Variants in C2CD3 observed in about 807,000 individuals in gnomAD.
C2CD3 encodes C2 domain containing 3 centriole elongation regulator, also known as C2 domain-containing protein 3.
In C2CD3, 148 loss-of-function variants were observed where a neutral mutation model predicts 234.0. That is an observed-to-expected ratio of 0.63 (90% CI 0.55 to 0.72). The LOEUF is 0.72. Ranked by LOEUF, C2CD3 falls within the 30% of genes least tolerant of loss-of-function variation. The pLI is 0.00. For synonymous variants in C2CD3, 1,000 were observed against 1,035.4 expected (o/e 0.97, Z 0.66); for missense variants, 2,577 against 2,811.5 (o/e 0.92, Z 1.89).
rs774374310 is a variant in C2CD3 at position 74,139,664 on chromosome 11, A to G, written c.648T>C (p.His216=). 6.2e-7 allele frequency: 1 copy of G among 1,613,882 alleles called. No individual in the cohort carries two copies. The change falls in exon 4 of 33, where the codon CAT becomes CAC. Residue 216 remains histidine (H), a synonymous_variant. Coordinates refer to ENST00000334126, the MANE Select transcript of C2CD3 (RefSeq NM_001286577.2). ...ACTCTTTTCCATCAATTTTGATGGTATGTATGTCGCGAGGCCTTGATGGAA... is the reference window on the plus strand; with the variant it reads ...ACTCTTTTCCATCAATTTTGATGGTGTGTATGTCGCGAGGCCTTGATGGAA... The part of the protein sequence containing the change: ...FQVPSRPRDI[H]TIKIDGKELA...
intron 16 of C2CD3, 35 bp from the exon 17 acceptor site, chr11:74,095,443 A>C (rs770746031): frequency 1.9e-6 from 3 of 1,538,834 alleles, no homozygotes; most frequent in Admixed American, 3.5e-5. Context: ...GTGAGCTTTA[A>C]AGAGTAACTT....
rs1956370307 is a variant in C2CD3 at position 74,103,014 on chromosome 11, A to T, written c.2580+117T>A. The T allele has an allele frequency of 9.9e-6, 10 of 1,008,202 alleles. No homozygotes were observed. The South Asian group carries it at 1.6e-4, about 16-fold the overall frequency. 62.5% of individuals were successfully genotyped at this position (1,008,202 alleles called of 1,614,324 possible). On this transcript the variant is annotated intron_variant, in intron 14 of 32. Coordinates refer to ENST00000334126, the MANE Select transcript of C2CD3 (RefSeq NM_001286577.2). The stretch of plus-strand genomic sequence containing the variant: ...GTGGGACTGAATCTGTACACCAGAT[A>T]ATTACGAAGGTTCCTTCTAGTCTGA...
Position 74,049,368 on chromosome 11 carries a change from G to C in C2CD3, c.5330C>G (p.Ala1777Gly). Residue 1777 changes from alanine to glycine, a missense_variant, in exon 27 of 33, where the codon GCA becomes GGA. Transcript: ENST00000334126. ...TTTTGAGGTCTCCACTCCACGCCTT[G>C]CTTGCCTTTCTTCTTTGAAGTGTAT... ...SLIHFKEERQ[A>G]RRGVETSKSL... 6 of 1,614,086 alleles carry C rather than the reference G, an allele frequency of 3.7e-6. No homozygotes were observed. Among genetic ancestry groups the C allele is most frequent in the Non-Finnish European group, 5.1e-6 (6 of 1,179,970 alleles).
At chr11:74,113,225 T>C (rs920528898) in intron 11 of C2CD3, 6 of 154,316 alleles carry the variant, frequency 3.9e-5, no homozygotes, top group African/African-American at 7.2e-5. Context: ...TCCATTTATA[T>C]GAGACATCCA....
At chr11:74,060,475 C>T (rs1591362733) in intron 24 of C2CD3, among the ~76,000 whole-genome samples, 1 of 152,340 alleles carries the variant, frequency 6.6e-6, no homozygotes, top group East Asian at 1.9e-4. Context: ...TGCTGTTCTG[C>T]AGCCTCCGCT....
At chr11:74,063,431 T>C (rs920519709) in intron 24 of C2CD3, among the ~76,000 whole-genome samples, 1 of 151,268 alleles carries the variant, frequency 6.6e-6, no homozygotes, top group Non-Finnish European at 1.5e-5. Flanking sequence ...TTATCCACCA[T>C]GATCAAGTTG....
At chr11:74,066,274 A>G (rs1394206377) in intron 24 of C2CD3, among the ~76,000 whole-genome samples, 22 of 43,812 alleles carry the variant, frequency 5.0e-4, no homozygotes, top group Non-Finnish European at 6.9e-4. Flanking sequence ...AGGAGGGGGG[A>G]GGGATAGTGT....
chr11:74,162,753 A>G (rs1856557599), intron 2 of C2CD3, among the ~76,000 whole-genome samples: 2 of 152,208 alleles, frequency 1.3e-5, no homozygotes, highest in Admixed American at 1.3e-4. Flanking sequence ...GTATTGTTAA[A>G]TGTATTTGCC....
chr11:74,121,201 C>T (rs1191682273), intron 8 of C2CD3, among the ~76,000 whole-genome samples: 6 of 152,094 alleles, frequency 3.9e-5, no homozygotes, highest in African/African-American at 7.2e-5. Flanking sequence ...AGATAGACTA[C>T]GGTGAGAATT....
At chr11:74,118,116 G>A in intron 9 of C2CD3, 112 bp downstream of exon 9, 1 of 683,302 alleles carries the variant, frequency 1.5e-6, no homozygotes, top group South Asian at 2.4e-5. Context: ...CTGAGTTATT[G>A]TAATTAATCA....
At chr11:74,156,220 G>A (rs773143348) in intron 3 of C2CD3, among the ~76,000 whole-genome samples, 2 of 151,936 alleles carry the variant, frequency 1.3e-5, no homozygotes, top group Non-Finnish European at 2.9e-5. Flanking sequence ...GTTGCAGTGA[G>A]CTGAGATCGC....
intron 2 of C2CD3, among the ~76,000 whole-genome samples, chr11:74,167,090 G>A (rs1315925468): frequency 6.6e-6 from 1 of 152,172 alleles, no homozygotes; most frequent in Non-Finnish European, 1.5e-5. Context: ...TGGGGAAACA[G>A]GAATCAGATA....
intron 17 of C2CD3, among the ~76,000 whole-genome samples, chr11:74,094,581 C>T (rs573319636): frequency 1.4e-4 from 22 of 152,162 alleles, no homozygotes; most frequent in African/African-American, 4.1e-4. Context: ...TTCAGCTCTC[C>T]GAGACTACCA....
rs1952741672 is a variant in C2CD3 at position 74,036,361 on chromosome 11, C to T, written c.5881+1117G>A. On this transcript the variant is annotated intron_variant, in intron 30 of 32. Transcript: ENST00000334126. ...TATCCACCACTGTATCTTCCTGGGACAAATAACAGAATAGTGCCTGGCACA... is the reference window on the plus strand; with the variant it reads ...TATCCACCACTGTATCTTCCTGGGATAAATAACAGAATAGTGCCTGGCACA... The T allele has an allele frequency of 6.8e-6, 3 of 444,338 alleles. No individual in the cohort carries two copies. In the Admixed American group the frequency reaches 7.3e-5, roughly 11 times the overall value. 27.5% of individuals were successfully genotyped at this position (444,338 alleles called of 1,614,324 possible).
At chr11:74,167,663 G>A (rs1403840193) in intron 2 of C2CD3, among the ~76,000 whole-genome samples, 1 of 152,190 alleles carries the variant, frequency 6.6e-6, no homozygotes, top group African/African-American at 2.4e-5. Flanking sequence ...GACTTGAACT[G>A]AATTGACTTG....
chr11:74,043,763 TC>T (rs1215978871), intron 28 of C2CD3, among the ~76,000 whole-genome samples: 66 of 152,288 alleles, frequency 4.3e-4, no homozygotes, highest in African/African-American at 1.6e-3. Flanking sequence ...TGAAGAAATG[TC>T]TATTCAGATC....
At chr11:74,042,250 C>T in intron 28 of C2CD3, 32 bp from the exon 29 acceptor site, 1 of 1,556,224 alleles carries the variant, frequency 6.4e-7, no homozygotes, top group South Asian at 1.2e-5. Flanking sequence ...AAAGTAGGAG[C>T]AAAATAAATT....
intron 25 of C2CD3, among the ~76,000 whole-genome samples, chr11:74,054,900 C>A (rs1215337228): frequency 1.3e-5 from 2 of 152,182 alleles, no homozygotes; most frequent in African/African-American, 4.8e-5. Context: ...CCTGACACAA[C>A]ATTTCCTCCC....
chr11:74,125,947 G>T (rs760432949), intron 7 of C2CD3, among the ~76,000 whole-genome samples: 2 of 152,008 alleles, frequency 1.3e-5, no homozygotes, highest in African/African-American at 4.8e-5. Context: ...ACATATACCC[G>T]AAATCTCCTT....
Sources: gnomAD v4.1 joint callset for allele counts (sites outside exome capture counted in the v4.1 genomes callset) on GRCh38, gnomAD v4.1.1 for gene constraint, MANE v1.5 for transcripts, NCBI Gene and HGNC (gene_info 2026-07-23, HGNC 2026-07-21) for gene names.